Variants in HNRNPC observed in about 807,000 individuals in gnomAD.
HNRNPC encodes heterogeneous nuclear ribonucleoproteins C1/C2.
In HNRNPC, 3 loss-of-function variants were observed where a neutral mutation model predicts 33.2. That is an observed-to-expected ratio of 0.09 (90% CI 0.04 to 0.23). The LOEUF (loss-of-function observed/expected upper bound fraction) is 0.23. HNRNPC is among the 10% of genes least tolerant of loss of function. HNRNPC has a pLI of 1.00. For synonymous variants in HNRNPC, 121 were observed against 126.7 expected (o/e 0.96, Z 0.30); for missense variants, 143 against 366.7 (o/e 0.39, Z 4.98).
At chr14:21,265,739 C>T (rs1173374065) in intron 1 of HNRNPC, among the ~76,000 whole-genome samples, 1 of 152,236 alleles carries the variant, frequency 6.6e-6, no homozygotes, top group Non-Finnish European at 1.5e-5. Context: ...GATGACACTA[C>T]TGCACTCTAA....
rs1891423529 is a variant in HNRNPC, at chr14:21,209,741, A to G, written c.*1482T>C. 6.6e-6 allele frequency: 1 copy of G among 152,230 alleles called. No individual in the cohort carries two copies. Among genetic ancestry groups the G allele is most frequent in the East Asian group, 1.9e-4 (1 of 5,204 alleles). 9.4% of individuals were successfully genotyped at this position (152,230 alleles called of 1,614,324 possible). ...CATGCTATGAAACAATAGCAACTTTACAGGGGAATCCAAGGTTTGTGTGCA... is the reference window on the plus strand; with the variant it reads ...CATGCTATGAAACAATAGCAACTTTGCAGGGGAATCCAAGGTTTGTGTGCA... On this transcript the variant is annotated 3_prime_UTR_variant, in exon 9 of 9. Coordinates refer to ENST00000553300, the MANE Select transcript of HNRNPC (RefSeq NM_004500.4).
At chr14:21,233,420 T>G (rs539960038) in intron 3 of HNRNPC, among the ~76,000 whole-genome samples, 2 of 152,284 alleles carry the variant, frequency 1.3e-5, no homozygotes, top group African/African-American at 4.8e-5. Context: ...AGGCACAAGG[T>G]ACACATAAAA....
intron 2 of HNRNPC, among the ~76,000 whole-genome samples, chr14:21,251,033 G>A (rs547567496): frequency 2.6e-5 from 4 of 152,166 alleles, no homozygotes; most frequent in East Asian, 1.9e-4. Context: ...AGGCCGAGGC[G>A]GGTAGATCAC....
chr14:21,255,168 G>C (rs1452165300), intron 2 of HNRNPC, among the ~76,000 whole-genome samples: 2 of 152,030 alleles, frequency 1.3e-5, no homozygotes, highest in Non-Finnish European at 2.9e-5. Flanking sequence ...GAAAATTTTT[G>C]TTCAAAATGT....
chr14:21,244,946 G>C (rs867135040), intron 2 of HNRNPC, among the ~76,000 whole-genome samples: 9 of 151,876 alleles, frequency 5.9e-5, no homozygotes, highest in Non-Finnish European at 1.3e-4. Flanking sequence ...TTAGCCAGGC[G>C]TGGTGGCATG....
chr14:21,245,793 G>T (rs1200828768), intron 2 of HNRNPC, among the ~76,000 whole-genome samples: 1 of 152,084 alleles, frequency 6.6e-6, no homozygotes, highest in Non-Finnish European at 1.5e-5. Context: ...AGGTGTTCAG[G>T]ATCAGCAAGA....
intron 1 of HNRNPC, among the ~76,000 whole-genome samples, chr14:21,266,474 T>A (rs1269448153): frequency 2.0e-5 from 3 of 152,070 alleles, no homozygotes; most frequent in African/African-American, 7.2e-5. Flanking sequence ...CACCAAATAA[T>A]GTTTTCCTGA....
intron 2 of HNRNPC, among the ~76,000 whole-genome samples, chr14:21,235,553 T>G (rs2139667881): frequency 6.6e-6 from 1 of 152,310 alleles, no homozygotes; most frequent in African/African-American, 2.4e-5. Context: ...TCTTTGTTAC[T>G]TTCTAAAGTA....
intron 2 of HNRNPC, among the ~76,000 whole-genome samples, chr14:21,256,140 G>C (rs369310621): frequency 7.9e-5 from 12 of 152,288 alleles, no homozygotes; most frequent in African/African-American, 2.4e-4. Context: ...TAGGTTGTTT[G>C]TTTTCAGGCA....
intron 2 of HNRNPC, chr14:21,236,380 A>G (rs553372885): frequency 1.3e-5 from 2 of 152,204 alleles, no homozygotes; most frequent in Admixed American, 6.5e-5. Flanking sequence ...TACTATGAGG[A>G]CTTAAATTCA....
At chr14:21,211,777 T>C (rs1891634344) in intron 7 of HNRNPC, 33 bp downstream of exon 7, 3 of 1,576,064 alleles carry the variant, frequency 1.9e-6, no homozygotes, top group Non-Finnish European at 2.6e-6. Flanking sequence ...CTAACCCAAC[T>C]GTATACCAAG....
chr14:21,231,370 T>C (rs1206515076), intron 3 of HNRNPC: 1 of 500,842 alleles, frequency 2.0e-6, no homozygotes, highest in African/African-American at 1.9e-5. Context: ...ACAACTCATC[T>C]TTCCTTAAGA....
In HNRNPC at chr14:21,230,336, T is replaced by A; in HGVS notation, c.348A>T (p.Gln116His). ...GSSFDLDYDF[Q>H]RDYYDRMYSY... ...TAACATACCTATCATAATAGTCCCG[T>A]TGAAAGTCATAGTCCAAGTCAAAAG... is the stretch of plus-strand genomic sequence containing the variant. Residue 116 changes from glutamine (Q) to histidine (H), a missense_variant, in exon 5 of 9, where the codon CAA becomes CAT. Gln to His is a conservative substitution (Grantham distance 24). Coordinates refer to ENST00000553300, the MANE Select transcript of HNRNPC (RefSeq NM_004500.4). 1.2e-6 allele frequency: 2 copies of A among 1,609,738 alleles called. No individual in the cohort carries two copies. Among genetic ancestry groups the A allele is most frequent in the Non-Finnish European group, 1.7e-6 (2 of 1,176,414 alleles).
At chr14:21,245,501 A>AT (rs932736248) in intron 2 of HNRNPC, among the ~76,000 whole-genome samples, 111 of 145,420 alleles carry the variant, frequency 7.6e-4, no homozygotes, top group South Asian at 1.9e-3. Flanking sequence ...CGCCAAAAAA[A>AT]ATATATATAT....
rs886383376 is a variant in HNRNPC at position 21,214,780 on chromosome 14, A to G, written c.366-1663T>C. On this transcript the variant is annotated intron_variant, in intron 5 of 8. Transcript: ENST00000553300. ...AATGATACAGAAACTATAAAATATC[A>G]GTGTTCAGAAACTCATATCCTTTGT... 3.9e-5 allele frequency among the ~76,000 whole-genome samples: 6 copies of G among 152,218 alleles called. No homozygotes were observed. In the East Asian group the frequency reaches 7.7e-4, roughly 20 times the overall value.
At chr14:21,260,445 T>C (rs147851023) in intron 2 of HNRNPC, among the ~76,000 whole-genome samples, 2 of 150,322 alleles carry the variant, frequency 1.3e-5, no homozygotes, top group Non-Finnish European at 3.0e-5. Context: ...AAGTTATAAA[T>C]AAAAATAATA....
At chr14:21,236,122 C>A (rs182193017) in intron 2 of HNRNPC, among the ~76,000 whole-genome samples, 1 of 152,232 alleles carries the variant, frequency 6.6e-6, no homozygotes, top group East Asian at 1.9e-4. Context: ...GGAATTCATA[C>A]CCCACGGCAT....
chr14:21,225,258 TAAC>T (rs1040672576), intron 5 of HNRNPC, among the ~76,000 whole-genome samples: 1 of 148,418 alleles, frequency 6.7e-6, no homozygotes, highest in African/African-American at 2.5e-5. Flanking sequence ...CCGTCTCTAC[TAAC>T]AATACAAAAA....
intron 5 of HNRNPC, among the ~76,000 whole-genome samples, chr14:21,222,060 A>G (rs1458460777): frequency 6.6e-6 from 1 of 150,548 alleles, no homozygotes; most frequent in Non-Finnish European, 1.5e-5. Context: ...AAAAAAAAAA[A>G]AAAAAAGCTG....
Sources: allele counts gnomAD v4.1 joint callset (sites outside exome capture counted in the v4.1 genomes callset), GRCh38; gene constraint gnomAD v4.1.1; transcripts MANE v1.5; gene names NCBI Gene and HGNC (gene_info 2026-07-23, HGNC 2026-07-21).